Variants in RAB3C observed in about 807,000 individuals in gnomAD.
The protein encoded by RAB3C is ras-related protein Rab-3C.
In RAB3C, 17 loss-of-function variants were observed where a neutral mutation model predicts 26.4. That is an observed-to-expected ratio of 0.64 (90% CI 0.44 to 0.97). The LOEUF is 0.97. RAB3C is among the 50% of genes least tolerant of loss of function. The pLI is 0.00. For missense variants in RAB3C, 242 were observed against 281.9 expected (o/e 0.86, Z 1.01); for synonymous variants, 91 against 95.9 (o/e 0.95, Z 0.30).
chr5:58,702,323 T>G (rs1324568555), intron 2 of RAB3C, among the ~76,000 whole-genome samples: 1 of 152,218 alleles, frequency 6.6e-6, no homozygotes, highest in African/African-American at 2.4e-5. Flanking sequence ...ATAGGCTGTG[T>G]GTGCTTCATC....
At chr5:58,725,663 G>A (rs910739355) in intron 2 of RAB3C, among the ~76,000 whole-genome samples, 1 of 151,740 alleles carries the variant, frequency 6.6e-6, no homozygotes, top group East Asian at 1.9e-4. Flanking sequence ...ATAATCGATT[G>A]TATATTTTAA....
At position 58,852,798 on chromosome 5, in the gene RAB3C, G is replaced by C. The variant is rs1250017943; in HGVS notation, c.*1447G>C. The C allele has an allele frequency of 6.6e-6, 1 of 152,182 alleles. No individual in the cohort carries two copies. The highest frequency in any genetic ancestry group is 2.4e-5 in the African/African-American group (1 of 41,456). 9.4% of individuals were successfully genotyped at this position (152,182 alleles called of 1,614,324 possible). On this transcript the variant is annotated 3_prime_UTR_variant, in exon 5 of 5. Transcript: ENST00000282878. Reference sequence around the variant, plus strand: ...GGAAGGAAGCAGGAATTATTTGGCAGATTTGGAAGGATAGTTTCGTTAAGT... The same window carrying C: ...GGAAGGAAGCAGGAATTATTTGGCACATTTGGAAGGATAGTTTCGTTAAGT...
chr5:58,769,317 A>G (rs912983357), intron 3 of RAB3C, among the ~76,000 whole-genome samples: 11 of 152,136 alleles, frequency 7.2e-5, no homozygotes, highest in African/African-American at 2.7e-4. Context: ...AGTTCAGGAA[A>G]GAGAGAGAGT....
chr5:58,601,125 C>A (rs1746444116), intron 1 of RAB3C, among the ~76,000 whole-genome samples: 1 of 151,998 alleles, frequency 6.6e-6, no homozygotes, highest in Admixed American at 6.6e-5. Flanking sequence ...GTTTTTAATT[C>A]TGTTATCTGG....
chr5:58,608,483 A>C (rs1746621538), intron 1 of RAB3C, among the ~76,000 whole-genome samples: 1 of 152,208 alleles, frequency 6.6e-6, no homozygotes, highest in East Asian at 1.9e-4. Flanking sequence ...CAAAACTACA[A>C]TGAGATACTA....
At chr5:58,696,101 A>G (rs1283565288) in intron 2 of RAB3C, among the ~76,000 whole-genome samples, 1 of 152,204 alleles carries the variant, frequency 6.6e-6, no homozygotes, top group Non-Finnish European at 1.5e-5. Flanking sequence ...CGTTCCATCA[A>G]TACTTAGTTT....
chr5:58,808,141 C>T (rs1742985911), intron 3 of RAB3C, among the ~76,000 whole-genome samples: 1 of 148,110 alleles, frequency 6.8e-6, no homozygotes, highest in Non-Finnish European at 1.5e-5. Flanking sequence ...AGGAGAATGT[C>T]GTGAACCTGG....
chr5:58,745,415 AAAAAG>A (rs1741382054), intron 3 of RAB3C, among the ~76,000 whole-genome samples: 1 of 149,106 alleles, frequency 6.7e-6, no homozygotes, highest in African/African-American at 2.5e-5. Flanking sequence ...AAAAAAAAAA[AAAAAG>A]AAAGTAGATG....
chr5:58,615,927 C>G (rs1406303749), intron 1 of RAB3C, among the ~76,000 whole-genome samples: 1 of 151,896 alleles, frequency 6.6e-6, no homozygotes, highest in Non-Finnish European at 1.5e-5. Flanking sequence ...CACAATCTCA[C>G]CATTTCCCTT....
intron 3 of RAB3C, among the ~76,000 whole-genome samples, chr5:58,786,854 C>A (rs555946359): frequency 5.3e-5 from 8 of 152,162 alleles, no homozygotes; most frequent in African/African-American, 1.9e-4. Flanking sequence ...GCCAGCCCCC[C>A]GCATAGGAAA....
At chr5:58,735,136 T>C (rs2111935662) in intron 3 of RAB3C, among the ~76,000 whole-genome samples, 1 of 152,292 alleles carries the variant, frequency 6.6e-6, no homozygotes, top group African/African-American at 2.4e-5. Flanking sequence ...CAGACAGCAC[T>C]TCAGCACTCT....
intron 2 of RAB3C, among the ~76,000 whole-genome samples, chr5:58,686,314 T>C (rs1449985547): frequency 6.6e-6 from 1 of 152,054 alleles, no homozygotes; most frequent in Admixed American, 6.6e-5. Flanking sequence ...TGGCTCAGCA[T>C]TTAGATACAC....
intron 1 of RAB3C, among the ~76,000 whole-genome samples, chr5:58,604,007 C>G (rs112275075): frequency 0.012 from 1,773 of 150,232 alleles, 28 homozygotes; most frequent in African/African-American, 0.041. Context: ...GTATTCTCTT[C>G]ATGTAGTACT....
intron 2 of RAB3C, among the ~76,000 whole-genome samples, chr5:58,680,112 A>T (rs1748316418): frequency 6.6e-6 from 1 of 152,222 alleles, no homozygotes; most frequent in Admixed American, 6.5e-5. Context: ...CTAATTTACA[A>T]CAAATAAAAG....
intron 3 of RAB3C, among the ~76,000 whole-genome samples, chr5:58,739,166 C>G (rs1741220575): frequency 6.6e-6 from 1 of 152,192 alleles, no homozygotes; most frequent in African/African-American, 2.4e-5. Flanking sequence ...CGTGAATACA[C>G]TGTCCATCAA....
At chr5:58,659,674 A>AAAAG (rs1169240636) in intron 2 of RAB3C, among the ~76,000 whole-genome samples, 1 of 152,236 alleles carries the variant, frequency 6.6e-6, no homozygotes, top group Admixed American at 6.5e-5. Flanking sequence ...TTTCTTATAG[A>AAAAG]AAAGAAAGTA....
chr5:58,747,449 G>A (rs995115492), intron 3 of RAB3C, among the ~76,000 whole-genome samples: 5 of 152,122 alleles, frequency 3.3e-5, no homozygotes, highest in African/African-American at 1.2e-4. Flanking sequence ...GAACATTTGT[G>A]AAAGCACTCA....
chr5:58,618,512 A>G (rs1039124524), intron 2 of RAB3C, among the ~76,000 whole-genome samples: 2 of 152,168 alleles, frequency 1.3e-5, no homozygotes, highest in African/African-American at 2.4e-5. Context: ...TTTTGAGACC[A>G]TTTGGTTAGC....
At chr5:58,712,313 C>T (rs1477939690) in intron 2 of RAB3C, among the ~76,000 whole-genome samples, 1 of 151,896 alleles carries the variant, frequency 6.6e-6, no homozygotes, top group Non-Finnish European at 1.5e-5. Flanking sequence ...TCTCAGTACC[C>T]CACACAATGC....
Sources: allele counts gnomAD v4.1 joint callset (sites outside exome capture counted in the v4.1 genomes callset), GRCh38; gene constraint gnomAD v4.1.1; transcripts MANE v1.5; gene names NCBI Gene and HGNC (gene_info 2026-07-23, HGNC 2026-07-21).